COG4: variants seen among roughly 807,000 people sequenced by gnomAD.
COG4 encodes the protein component of oligomeric golgi complex 4.
COG4 carries 65 observed loss-of-function variants against 95.1 expected under a neutral mutation model. The ratio of observed to expected loss-of-function variants is 0.68; its 90% CI spans 0.56 to 0.84. The LOEUF (loss-of-function observed/expected upper bound fraction) is 0.84. Ranked by LOEUF, COG4 falls within the 40% of genes least tolerant of loss-of-function variation. The pLI is 0.00. For missense variants in COG4, 1,045 were observed against 989.1 expected (o/e 1.06, Z -0.76); for synonymous variants, 421 against 374.8 (o/e 1.12, Z -1.42).
At chr16:70,510,767 C>CT (rs766994398) in intron 5 of COG4, among the ~76,000 whole-genome samples, 4,908 of 140,878 alleles carry the variant, frequency 0.035, 264 homozygotes, top group East Asian at 0.21. Flanking sequence ...AGCAGGTTTC[C>CT]TTTTTTTTTT....
Position 70,480,797 on chromosome 16 carries a change from C to T in COG4, c.*213G>A, listed in dbSNP as rs962417925. The T allele has an allele frequency of 2.3e-5, 14 of 597,694 alleles. No individual in the cohort carries two copies. Among genetic ancestry groups the T allele is most frequent in the South Asian group, 3.9e-5 (2 of 50,772 alleles). The allele number at this position is 597,694 out of a possible 1,614,324, so 37.0% of individuals were successfully genotyped here. On this transcript the variant is annotated 3_prime_UTR_variant, in exon 19 of 19. Coordinates refer to ENST00000323786, the MANE Select transcript of COG4 (RefSeq NM_015386.3). ...CACCTCATTAGGAGCCCGCTTCTCT[C>T]GGTGGGGAGATGCTGCCCCCAGAGC...
In COG4 at chr16:70,504,354, C is replaced by G. The variant is rs2049515230; in HGVS notation, c.1062-3263G>C. On this transcript the variant is annotated intron_variant, in intron 8 of 18. Transcript: ENST00000323786. ...GGGTGCAGTCGTTCACGACTGTAATCCCACTACTTTGGGAGGCTGAGGCGG... is the reference window on the plus strand; with the variant it reads ...GGGTGCAGTCGTTCACGACTGTAATGCCACTACTTTGGGAGGCTGAGGCGG... 2.6e-5 allele frequency among the ~76,000 whole-genome samples: 4 copies of G among 152,098 alleles called. No individual in the cohort carries two copies. In the South Asian group the frequency reaches 8.3e-4, roughly 32 times the overall value.
intron 17 of COG4, 85 bp from the exon 18 acceptor site, chr16:70,481,572 G>T: frequency 1.9e-6 from 3 of 1,585,490 alleles, no homozygotes; most frequent in Non-Finnish European, 2.6e-6. Context: ...GGGTGGCAAG[G>T]CCCGCCAGGC....
intron 3 of COG4, among the ~76,000 whole-genome samples, chr16:70,516,392 G>A (rs925783018): frequency 4.0e-5 from 6 of 151,868 alleles, no homozygotes; most frequent in Non-Finnish European, 8.8e-5. Flanking sequence ...TGCCTTCTGG[G>A]TTCACGCTAT....
chr16:70,509,819 A>T (rs2049660381), intron 6 of COG4, 97 bp downstream of exon 6: 1 of 878,982 alleles, frequency 1.1e-6, no homozygotes, highest in African/African-American at 1.7e-5. Flanking sequence ...CTACATGATT[A>T]AATTAAAGTC....
chr16:70,504,012 G>A (rs978552095), intron 8 of COG4, among the ~76,000 whole-genome samples: 2 of 152,128 alleles, frequency 1.3e-5, no homozygotes, highest in Non-Finnish European at 2.9e-5. Context: ...CCTACACTCA[G>A]TATATCACAG....
chr16:70,481,883 A>T lies in COG4; in HGVS notation c.2005-18T>A. ...AGGCTGGCCTGCACACAGAGGGTTG[A>T]CATCAGCCGAGCCCCACCTAACTCC... On this transcript the variant is annotated intron_variant, in intron 16 of 18. Transcript: ENST00000323786. 1 of 1,605,930 alleles carries T rather than the reference A, an allele frequency of 6.2e-7. No individual in the cohort carries two copies. The highest frequency in any genetic ancestry group is 8.5e-7 in the Non-Finnish European group (1 of 1,174,070).
In COG4 at chr16:70,512,451, A is replaced by G; in HGVS notation, c.545-19T>C. ...ATGCTCCCTGCTCAACAGGGAGAAA[A>G]TGAAAATTCAAGTAAAGAATAGTAC... On this transcript the variant is annotated intron_variant, in intron 4 of 18. Transcript: ENST00000323786. 1.6e-5 allele frequency: 25 copies of G among 1,607,126 alleles called. No homozygotes were observed. Among genetic ancestry groups the G allele is most frequent in the Non-Finnish European group, 2.1e-5 (25 of 1,175,210 alleles).
rs574295324 is a variant in COG4 at position 70,481,949 on chromosome 16, C to T, written c.2005-84G>A. On this transcript the variant is annotated intron_variant, in intron 16 of 18. Transcript: ENST00000323786. ...GAGTCTTAGGTGGTGAGGATAGTAG[C>T]GTGAGGCCACGGGGGAGTTTCTACA... is the stretch of plus-strand genomic sequence containing the variant. The T allele has an allele frequency of 7.2e-5, 100 of 1,392,492 alleles. No homozygotes were observed. In the African/African-American group the frequency reaches 7.3e-4, roughly 10 times the overall value. The allele number at this position is 1,392,492 out of a possible 1,614,324, so 86.3% of individuals were successfully genotyped here.
intron 3 of COG4, among the ~76,000 whole-genome samples, 173 bp downstream of exon 3, chr16:70,517,453 T>C (rs1015481990): frequency 3.3e-5 from 5 of 151,614 alleles, no homozygotes; most frequent in Non-Finnish European, 7.4e-5. Flanking sequence ...CTGGGCATAG[T>C]GGTGGATGCC....
chr16:70,518,787 G>A (rs1318454846), intron 2 of COG4, among the ~76,000 whole-genome samples: 1 of 151,986 alleles, frequency 6.6e-6, no homozygotes, highest in Non-Finnish European at 1.5e-5. Flanking sequence ...GACCAGCCTG[G>A]CCAACATGGT....
intron 11 of COG4, 97 bp from the exon 12 acceptor site, chr16:70,496,528 T>C: frequency 2.3e-6 from 3 of 1,288,792 alleles, no homozygotes; most frequent in Non-Finnish European, 3.3e-6. Context: ...CAGCACAAGG[T>C]GCTCTTTTAG....
At chr16:70,497,526 T>A (rs2049364715) in intron 10 of COG4, 139 bp from the exon 11 acceptor site, 1 of 825,382 alleles carries the variant, frequency 1.2e-6, no homozygotes, top group Admixed American at 1.9e-5. Context: ...TGCATCCTCC[T>A]TGTCAAAATA....
Position 70,482,152 on chromosome 16 carries a change from G to A in COG4, c.1944C>T (p.Ala648=), listed in dbSNP as rs1331234809. The A allele has an allele frequency of 1.9e-6, 3 of 1,613,738 alleles. No homozygotes were observed. The highest frequency in any genetic ancestry group is 2.5e-6 in the Non-Finnish European group (3 of 1,179,684). ...IEEEEFNDYE[A]NDPWVQQFIL... ...TGAACTGTTGTACCCAAGGGTCGTT[G>A]GCCTCATAGTCATTGAATTCTTCCT... The change falls in exon 16 of 19, where the codon GCC becomes GCT. Residue 648 remains alanine (A), a synonymous_variant. Transcript: ENST00000323786.
chr16:70,506,601 A>G (rs2049574127), intron 8 of COG4, among the ~76,000 whole-genome samples: 1 of 100,418 alleles, frequency 1.0e-5, no homozygotes, highest in Non-Finnish European at 1.9e-5. Flanking sequence ...CTCAAAAAAA[A>G]AAAAAAAAAA....
At position 70,512,326 on chromosome 16, in the gene COG4, G is replaced by T; in HGVS notation, c.651C>A (p.Pro217=). The part of the protein sequence containing the change: ...FAIATKEGDL[P]QVERFFKIFP... ...AGATCTTGAAGAAGCGCTCCACCTG[G>T]GGCAGATCACCTTCCTTGGTGGCAA... is the stretch of plus-strand genomic sequence containing the variant. The change falls in exon 5 of 19, where the codon CCC becomes CCA. Residue 217 remains proline (P), a synonymous_variant. Coordinates refer to ENST00000323786, the MANE Select transcript of COG4 (RefSeq NM_015386.3). 6.2e-7 allele frequency: 1 copy of T among 1,614,084 alleles called. No individual in the cohort carries two copies. The highest frequency in any genetic ancestry group is 8.5e-7 in the Non-Finnish European group (1 of 1,179,996).
At chr16:70,482,866 TCATCCCTTCCCTCTCTCTTCTCCC>T (rs1320559467) in intron 14 of COG4, 45 bp from the exon 15 acceptor site, 1 of 1,446,644 alleles carries the variant, frequency 6.9e-7, no homozygotes, top group Non-Finnish European at 9.7e-7. Flanking sequence ...AAGGCACGAC[TCATCCCTTCCCTCTCTCTTCTCCC>T]CATCCCTTCC....
chr16:70,516,867 G>A (rs745536416), intron 3 of COG4, among the ~76,000 whole-genome samples: 4 of 152,062 alleles, frequency 2.6e-5, no homozygotes, highest in African/African-American at 4.8e-5. Flanking sequence ...GGGGTTAAGC[G>A]ATCCTCCTGC....
chr16:70,507,863 A>G (rs78402120), intron 8 of COG4, among the ~76,000 whole-genome samples: 2 of 146,878 alleles, frequency 1.4e-5, no homozygotes, highest in African/African-American at 4.9e-5. Context: ...CTCTGTCTCA[A>G]AAAAAAAAAA....
Sources: gnomAD v4.1 joint callset for allele counts (sites outside exome capture counted in the v4.1 genomes callset) on GRCh38, gnomAD v4.1.1 for gene constraint, MANE v1.5 for transcripts, NCBI Gene and HGNC (gene_info 2026-07-23, HGNC 2026-07-21) for gene names.